BIRC6: variants seen among roughly 807,000 people sequenced by gnomAD.
The protein encoded by BIRC6 is baculoviral IAP repeat containing 6.
A neutral mutation model predicts 503.3 loss-of-function variants in BIRC6; 98 were observed. The ratio of observed to expected loss-of-function variants is 0.19; its 90% CI spans 0.17 to 0.23. The LOEUF (loss-of-function observed/expected upper bound fraction) is 0.23, where lower values mean the gene tolerates loss of function less well. Ranked by LOEUF, BIRC6 falls within the 10% of genes least tolerant of loss-of-function variation. The pLI, the probability that BIRC6 is intolerant of heterozygous loss-of-function variation, is 1.00. For synonymous variants in BIRC6, 2,240 were observed against 2,078.7 expected, an observed-to-expected ratio of 1.08 and a Z score of -2.11; for missense variants, 5,360 against 5,806.0, an observed-to-expected ratio of 0.92 and a Z score of 2.50.
chr2:32,587,543 G>T (rs1573214491), intron 66 of BIRC6, among the ~76,000 whole-genome samples: 1 of 152,058 alleles, frequency 6.6e-6, no homozygotes, highest in East Asian at 1.9e-4. Flanking sequence ...GGGCAACAAG[G>T]CAAAACCCTG....
intron 50 of BIRC6, among the ~76,000 whole-genome samples, chr2:32,505,623 C>A (rs1163431839): frequency 6.6e-6 from 1 of 152,102 alleles, no homozygotes; most frequent in Non-Finnish European, 1.5e-5. Context: ...AAGATAACTA[C>A]CTTTTTGAAT....
At chr2:32,500,606 GTTTTTT>G (rs758919928) in intron 46 of BIRC6, among the ~76,000 whole-genome samples, 3 of 118,296 alleles carry the variant, frequency 2.5e-5, no homozygotes, top group Admixed American at 9.4e-5. Context: ...TTTTGTTTTT[GTTTTTT>G]TTTTTTTTTT....
chr2:32,464,558 C>T lies in BIRC6; in HGVS notation c.4991C>T (p.Ala1664Val). 3.1e-6 allele frequency: 5 copies of T among 1,604,184 alleles called. No individual in the cohort carries two copies. The highest frequency in any genetic ancestry group is 4.3e-6 in the Non-Finnish European group (5 of 1,174,728). ...CATCAGACAACAGCTGCAGCAGCTG[C>T]AGCAGCATCAGCAGTAGGTCCTGTT... ...KLHQTTAAAA[A>V]AASAVGPVHN... The change falls in exon 25 of 74, where the codon GCA (alanine) becomes GTA (valine). Residue 1664 changes from alanine (A) to valine (V), a missense_variant. This residue lies in a region of BIRC6 where 2,299 missense variants were observed against 2,267.2 expected (regional missense o/e 1.01). Coordinates refer to ENST00000421745, the MANE Select transcript of BIRC6 (RefSeq NM_016252.4).
At chr2:32,520,313 T>C (rs1355609130) in intron 57 of BIRC6, among the ~76,000 whole-genome samples, 1 of 152,210 alleles carries the variant, frequency 6.6e-6, no homozygotes, top group East Asian at 1.9e-4. Context: ...CTAATATGCA[T>C]GTGCATAAAA....
intron 1 of BIRC6, among the ~76,000 whole-genome samples, chr2:32,365,014 C>G (rs538417597): frequency 6.6e-6 from 1 of 152,112 alleles, no homozygotes; most frequent in African/African-American, 2.4e-5. Flanking sequence ...ATTCGGATCT[C>G]AATAGCCCTA....
chr2:32,404,938 A>C (rs961639456), intron 8 of BIRC6, among the ~76,000 whole-genome samples: 10 of 152,188 alleles, frequency 6.6e-5, no homozygotes, highest in African/African-American at 9.6e-5. Context: ...CTGGGATTAC[A>C]GGTGTGAGTC....
At chr2:32,530,195 TG>T (rs1184530035) in intron 60 of BIRC6, among the ~76,000 whole-genome samples, 1 of 152,230 alleles carries the variant, frequency 6.6e-6, no homozygotes, top group African/African-American at 2.4e-5. Flanking sequence ...CACATATTTT[TG>T]TTTTTTACTT....
At chr2:32,473,751 A>G (rs200986768) in intron 33 of BIRC6, among the ~76,000 whole-genome samples, 2,989 of 43,388 alleles carry the variant, frequency 0.069, 34 homozygotes, top group African/African-American at 0.12. Context: ...GTGTGTGTGT[A>G]TTTTTTTTTT....
chr2:32,450,472 A>T (rs1367184268), intron 22 of BIRC6, among the ~76,000 whole-genome samples: 1 of 152,170 alleles, frequency 6.6e-6, no homozygotes, highest in Admixed American at 6.5e-5. Flanking sequence ...AAAAAAAAAA[A>T]TCATGATATG....
At position 32,595,082 on chromosome 2, in the gene BIRC6, C is replaced by G. The variant is rs2061597364; in HGVS notation, c.13550C>G (p.Pro4517Arg). 28 of 1,602,382 alleles carry G rather than the reference C, an allele frequency of 1.7e-5. No homozygotes were observed. In the East Asian group the frequency reaches 6.3e-4, roughly 36 times the overall value. ...AAGAAGGCGGCTATGAAACCCAAACCTTTGTCAGTATTAAAGTCACTTGAA... is the reference window on the plus strand; with the variant it reads ...AAGAAGGCGGCTATGAAACCCAAACGTTTGTCAGTATTAAAGTCACTTGAA... Reference protein sequence around the residue: ...YSKKAAMKPKPLSVLKSLEEK... With the variant: ...YSKKAAMKPKRLSVLKSLEEK... Residue 4517 changes from proline (P) to arginine (R), a missense_variant, in exon 68 of 74, where the codon CCT (proline) becomes CGT (arginine). By Grantham distance (103) the Pro-to-Arg change is moderately radical. Transcript: ENST00000421745.
At chr2:32,471,274 C>A in intron 32 of BIRC6, 150 bp downstream of exon 32, 1 of 970,368 alleles carries the variant, frequency 1.0e-6, no homozygotes, top group Non-Finnish European at 1.5e-6. Context: ...AAATGAACTT[C>A]ACTACAATTC....
chr2:32,457,788 T>G (rs2047410557), intron 23 of BIRC6, among the ~76,000 whole-genome samples: 1 of 152,170 alleles, frequency 6.6e-6, no homozygotes, highest in African/African-American at 2.4e-5. Context: ...ACACATTCAA[T>G]TAGGTTTTTT....
chr2:32,481,226 G>A lies in BIRC6; in HGVS notation c.7409-94G>A. 2.7e-6 allele frequency: 3 copies of A among 1,117,376 alleles called. No homozygotes were observed. The South Asian group carries it at 7.0e-5, about 26-fold the overall frequency. The allele number at this position is 1,117,376 out of a possible 1,614,324, so 69.2% of individuals were successfully genotyped here. ...TTTTTTTTTTAGGCATATGTAACATGCAAGTAAAATAACTTTTTTTAACTA... is the reference window on the plus strand; with the variant it reads ...TTTTTTTTTTAGGCATATGTAACATACAAGTAAAATAACTTTTTTTAACTA... On this transcript the variant is annotated intron_variant, in intron 37 of 73. Transcript: ENST00000421745.
intron 60 of BIRC6, 110 bp from the exon 61 acceptor site, chr2:32,531,245 G>T: frequency 3.5e-6 from 3 of 867,624 alleles, no homozygotes; most frequent in Non-Finnish European, 5.2e-6. Context: ...GATGTTTTGT[G>T]CTCTTTTTTG....
At chr2:32,451,136 C>G (rs1558762697) in intron 22 of BIRC6, among the ~76,000 whole-genome samples, 1 of 152,196 alleles carries the variant, frequency 6.6e-6, no homozygotes, top group Admixed American at 6.5e-5. Context: ...AGTGCATTCT[C>G]CACATTGCAT....
intron 66 of BIRC6, among the ~76,000 whole-genome samples, chr2:32,593,505 AAT>A (rs2061503500): frequency 6.6e-6 from 1 of 152,206 alleles, no homozygotes; most frequent in African/African-American, 2.4e-5. Flanking sequence ...TTTACTCTAA[AAT>A]ATGTTTTTTT....
In BIRC6 at chr2:32,401,410, A is replaced by G. The variant is rs377237765; in HGVS notation, c.1257+25A>G. The G allele has an allele frequency of 3.9e-5, 63 of 1,612,834 alleles. No individual in the cohort carries two copies. The African/African-American group carries it at 4.5e-4, about 12-fold the overall frequency. On this transcript the variant is annotated intron_variant, in intron 7 of 73. Coordinates refer to ENST00000421745, the MANE Select transcript of BIRC6 (RefSeq NM_016252.4). ...GGTATGTTTGAATTTTGAAGTAACA[A>G]ATTAGTAATTGAAAAAAGATCAGTT...
At chr2:32,396,252 T>C (rs2039873327) in intron 6 of BIRC6, among the ~76,000 whole-genome samples, 1 of 152,324 alleles carries the variant, frequency 6.6e-6, no homozygotes, top group East Asian at 1.9e-4. Flanking sequence ...CTATGAATAT[T>C]TTCCAGTTTA....
chr2:32,597,644 G>T, intron 68 of BIRC6, 107 bp from the exon 69 acceptor site: 2 of 772,628 alleles, frequency 2.6e-6, no homozygotes, highest in Non-Finnish European at 4.3e-6. Context: ...TTCCATGGTT[G>T]GAAGTTCTCT....
Sources: gnomAD v4.1 joint callset for allele counts (sites outside exome capture counted in the v4.1 genomes callset) on GRCh38, gnomAD v4.1.1 for gene constraint, gnomAD v4.1.1 regional missense constraint, MANE v1.5 for transcripts, NCBI Gene and HGNC (gene_info 2026-07-23, HGNC 2026-07-21) for gene names.